Variants in MIR2052HG observed in about 807,000 individuals in gnomAD.
MIR2052HG encodes MIR2052 host gene.
intron 4 of MIR2052HG, among the ~76,000 whole-genome samples, chr8:74,708,948 T>C (rs760699634): frequency 6.6e-6 from 1 of 152,110 alleles, no homozygotes; most frequent in African/African-American, 2.4e-5. Context: ...AGTAACTAAT[T>C]TAGATTAGTA....
At chr8:74,732,377 G>A (rs747185657) in intron 4 of MIR2052HG, among the ~76,000 whole-genome samples, 2 of 152,002 alleles carry the variant, frequency 1.3e-5, no homozygotes, top group African/African-American at 2.4e-5. Context: ...GGATACCAAG[G>A]TACAACTATA....
chr8:74,659,465 G>T (rs1808839102), intron 2 of MIR2052HG, among the ~76,000 whole-genome samples: 1 of 152,020 alleles, frequency 6.6e-6, no homozygotes, highest in Admixed American at 6.6e-5. Context: ...TTTAGAGATG[G>T]AGTCTCATTT....
chr8:74,670,221 G>A (rs1295193111), intron 2 of MIR2052HG, among the ~76,000 whole-genome samples: 2 of 152,112 alleles, frequency 1.3e-5, no homozygotes, highest in Admixed American at 1.3e-4. Flanking sequence ...GGGAAGATTG[G>A]GGTACCATCT....
intron 4 of MIR2052HG, among the ~76,000 whole-genome samples, chr8:74,743,252 G>T (rs1342537510): frequency 1.3e-5 from 2 of 152,014 alleles, no homozygotes; most frequent in Admixed American, 6.6e-5. Flanking sequence ...AAATCCCCAG[G>T]TGTTATAAGA....
chr8:74,610,026 T>C (rs1808169763), intron 1 of MIR2052HG: 1 of 151,820 alleles, frequency 6.6e-6, no homozygotes, highest in African/African-American at 2.4e-5. Flanking sequence ...GTGGGAAATG[T>C]ATGGCACCAA....
chr8:74,636,369 C>A (rs1005898794), intron 2 of MIR2052HG, among the ~76,000 whole-genome samples: 5 of 151,988 alleles, frequency 3.3e-5, no homozygotes, highest in African/African-American at 1.2e-4. Context: ...TACATTTTTT[C>A]TCGGAAAACA....
intron 1 of MIR2052HG, among the ~76,000 whole-genome samples, chr8:74,605,628 C>T (rs1808099813): frequency 6.6e-6 from 1 of 152,146 alleles, no homozygotes; most frequent in African/African-American, 2.4e-5. Flanking sequence ...AAATTAGCTG[C>T]AATATGACCT....
In MIR2052HG at chr8:74,733,188, G is replaced by A. The variant is rs539228644; in HGVS notation, n.372-19253G>A. On this transcript the variant is annotated intron_variant and non_coding_transcript_variant, in intron 4 of 6. Coordinates refer to ENST00000523442, the Ensembl canonical transcript of MIR2052HG. ...GCTGGTGCGCTGCACCCACTGACTC[G>A]TCATCTAGCATTAGGTATCTCTCCT... Among the ~76,000 whole-genome samples, 77 of 151,972 alleles carry A rather than the reference G, an allele frequency of 5.1e-4. 1 individual carries two copies. The highest frequency in any genetic ancestry group is 1.5e-3 in the African/African-American group (61 of 41,430).
chr8:74,642,217 A>C (rs1808645897), intron 2 of MIR2052HG, among the ~76,000 whole-genome samples: 1 of 152,052 alleles, frequency 6.6e-6, no homozygotes, highest in African/African-American at 2.4e-5. Context: ...CCACAGTTCA[A>C]ATTTGTCATG....
chr8:74,682,551 G>T (rs1809137065), intron 2 of MIR2052HG, among the ~76,000 whole-genome samples: 1 of 152,074 alleles, frequency 6.6e-6, no homozygotes, highest in Non-Finnish European at 1.5e-5. Context: ...ACTTACCTGT[G>T]AAAAGATGCT....
At chr8:74,653,849 A>G (rs1808776684) in intron 2 of MIR2052HG, among the ~76,000 whole-genome samples, 1 of 152,248 alleles carries the variant, frequency 6.6e-6, no homozygotes. Context: ...GTATGAATAT[A>G]TACTTTGAAT....
At chr8:74,706,013 A>G (rs1004058835) in intron 4 of MIR2052HG, among the ~76,000 whole-genome samples, 2 of 152,142 alleles carry the variant, frequency 1.3e-5, no homozygotes, top group African/African-American at 4.8e-5. Context: ...GGTAATAGAA[A>G]TTAAGTATCT....
chr8:74,638,446 A>T (rs1254794773), intron 2 of MIR2052HG, among the ~76,000 whole-genome samples: 1 of 152,138 alleles, frequency 6.6e-6, no homozygotes, highest in Non-Finnish European at 1.5e-5. Flanking sequence ...AGGCTGCAGG[A>T]TGGAGGATGA....
intron 2 of MIR2052HG, among the ~76,000 whole-genome samples, chr8:74,651,572 A>G (rs1294647357): frequency 6.6e-6 from 1 of 152,184 alleles, no homozygotes; most frequent in African/African-American, 2.4e-5. Flanking sequence ...GACAAAAAAC[A>G]AAAAACAAAA....
rs535749781 is a variant in MIR2052HG, at chr8:74,715,148, C to A, written n.371+11466C>A. 2.0e-5 allele frequency among the ~76,000 whole-genome samples: 3 copies of A among 152,122 alleles called. No individual in the cohort carries two copies. The East Asian group carries it at 5.8e-4, about 29-fold the overall frequency. On this transcript the variant is annotated intron_variant and non_coding_transcript_variant, in intron 4 of 6. Transcript: ENST00000523442. Reference sequence around the variant, plus strand: ...TACTATTAGTAAGGAAAGAATATGACCTTCACAATGAAACATGGATGAACT... The same window carrying A: ...TACTATTAGTAAGGAAAGAATATGAACTTCACAATGAAACATGGATGAACT...
intron 2 of MIR2052HG, among the ~76,000 whole-genome samples, chr8:74,648,368 G>T (rs117780272): frequency 0.01 from 1,557 of 152,264 alleles, 10 homozygotes; most frequent in Middle Eastern, 0.051. Flanking sequence ...AGTCAGAATG[G>T]TTGTCTGCTC....
At chr8:74,636,458 C>T (rs905710970) in intron 2 of MIR2052HG, among the ~76,000 whole-genome samples, 59 of 152,134 alleles carry the variant, frequency 3.9e-4, no homozygotes, top group African/African-American at 1.3e-3. Flanking sequence ...AGAAAATATG[C>T]AGGAATGAAA....
chr8:74,634,362 A>G lies in MIR2052HG; in HGVS notation n.216+21422A>G, dbSNP rs79928629. ...GGTTTACATAGACAACCTATGCCCA[A>G]ATAGTCGGGCCAAAGGCAGGAGAAA... is the stretch of plus-strand genomic sequence containing the variant. On this transcript the variant is annotated intron_variant and non_coding_transcript_variant, in intron 2 of 6. Coordinates refer to ENST00000523442, the Ensembl canonical transcript of MIR2052HG. Among the ~76,000 whole-genome samples the G allele has an allele frequency of 1.4e-3, 210 of 152,340 alleles. 1 individual carries two copies. Among genetic ancestry groups the G allele is most frequent in the African/African-American group, 4.8e-3 (200 of 41,572 alleles).
intron 1 of MIR2052HG, among the ~76,000 whole-genome samples, chr8:74,610,353 A>G (rs185969535): frequency 8.9e-4 from 135 of 152,078 alleles, no homozygotes; most frequent in African/African-American, 3.1e-3. Flanking sequence ...ACTATACAAT[A>G]TTGCTGAGAA....
Sources: allele counts gnomAD v4.1 joint callset (sites outside exome capture counted in the v4.1 genomes callset), GRCh38; gene constraint gnomAD v4.1.1; transcripts MANE v1.5; gene names NCBI Gene and HGNC (gene_info 2026-07-23, HGNC 2026-07-21).